The following NRXN3 variants were observed in gnomAD, a reference collection of about 807,000 sequenced individuals.
The protein encoded by NRXN3 is neurexin 3.
A neutral mutation model predicts 137.6 loss-of-function variants in NRXN3; 32 were observed. The ratio of observed to expected loss-of-function variants is 0.23; its 90% CI spans 0.18 to 0.31. NRXN3 has a LOEUF of 0.31. Among genes scored for constraint, NRXN3 ranks in the 10% least tolerant of loss-of-function variants. The pLI, the probability that NRXN3 is intolerant of heterozygous loss-of-function variation, is 1.00. For missense variants in NRXN3, 1,574 were observed against 2,062.5 expected (o/e 0.76, Z 4.59); for synonymous variants, 798 against 784.5 (o/e 1.02, Z -0.29).
intron 4 of NRXN3, among the ~76,000 whole-genome samples, chr14:78,580,728 T>C (rs1412116941): frequency 6.6e-6 from 1 of 152,212 alleles, no homozygotes; most frequent in Non-Finnish European, 1.5e-5. Flanking sequence ...CTTCATTGAA[T>C]CCCTCACTTG....
At position 79,003,904 on chromosome 14, in the gene NRXN3, G is replaced by A. The variant is rs539503437; in HGVS notation, c.3262+15763G>A. Among the ~76,000 whole-genome samples, 8 of 152,248 alleles carry A rather than the reference G, an allele frequency of 5.3e-5. No individual in the cohort carries two copies. The South Asian group carries it at 8.3e-4, about 16-fold the overall frequency. ...GAATCCTGTGGGCTCTGTGAAACCC[G>A]TGAAGCTGATAGTATTGAAGGAAAT... On this transcript the variant is annotated intron_variant, in intron 15 of 20. Transcript: ENST00000335750.
chr14:78,976,795 A>T (rs1201151858), intron 14 of NRXN3, among the ~76,000 whole-genome samples: 1 of 152,150 alleles, frequency 6.6e-6, no homozygotes, highest in Non-Finnish European at 1.5e-5. Flanking sequence ...ACCAAAATGC[A>T]TCTTGTTTCT....
Position 78,464,303 on chromosome 14 carries a change from G to C in NRXN3, c.757+166443G>C, listed in dbSNP as rs1282839842. ...ACTCTTGACCTCAGGTGATCCGCCT[G>C]TCTCGGCCTTCCAAAGTGCTGGGAT... is the stretch of plus-strand genomic sequence containing the variant. On this transcript the variant is annotated intron_variant, in intron 4 of 20. Coordinates refer to ENST00000335750, the MANE Select transcript of NRXN3 (RefSeq NM_001330195.2). 3.9e-5 allele frequency among the ~76,000 whole-genome samples: 6 copies of C among 152,294 alleles called. No homozygotes were observed. In the East Asian group the frequency reaches 1.2e-3, roughly 29 times the overall value.
At chr14:79,825,836 G>C (rs868268084) in intron 20 of NRXN3, among the ~76,000 whole-genome samples, 7 of 152,112 alleles carry the variant, frequency 4.6e-5, no homozygotes, top group African/African-American at 2.4e-5. Flanking sequence ...CAGTTAGTAA[G>C]TTTCATGGTT....
At chr14:79,502,700 G>A (rs1239869951) in intron 16 of NRXN3, among the ~76,000 whole-genome samples, 1 of 151,978 alleles carries the variant, frequency 6.6e-6, no homozygotes. Flanking sequence ...CCTAATTTTG[G>A]TTTCTAATGT....
intron 15 of NRXN3, among the ~76,000 whole-genome samples, chr14:79,019,994 T>C (rs2964901): frequency 0.01 from 1,558 of 152,044 alleles, 25 homozygotes; most frequent in African/African-American, 0.036. Context: ...ACTGACAGCA[T>C]GGTCTTGAAG....
intron 15 of NRXN3, among the ~76,000 whole-genome samples, chr14:79,264,952 T>G (rs994227786): frequency 2.0e-5 from 3 of 152,184 alleles, no homozygotes; most frequent in African/African-American, 7.2e-5. Context: ...TATACACGCA[T>G]GTATATATCT....
At chr14:78,329,276 A>T (rs989900964) in intron 4 of NRXN3, among the ~76,000 whole-genome samples, 3 of 152,158 alleles carry the variant, frequency 2.0e-5, no homozygotes, top group Non-Finnish European at 4.4e-5. Context: ...GAAAGTGTCA[A>T]TGGGTCCACA....
chr14:79,809,100 T>A (rs1381592801), intron 20 of NRXN3, among the ~76,000 whole-genome samples: 5 of 152,208 alleles, frequency 3.3e-5, no homozygotes, highest in Admixed American at 2.0e-4. Flanking sequence ...AAAGCTCAAT[T>A]AGGATTTGTC....
chr14:79,586,867 C>T (rs2153816962), intron 16 of NRXN3, among the ~76,000 whole-genome samples: 1 of 152,290 alleles, frequency 6.6e-6, no homozygotes, highest in East Asian at 1.9e-4. Context: ...ATTTTCTTTG[C>T]ATGATTAACT....
intron 15 of NRXN3, among the ~76,000 whole-genome samples, chr14:79,275,780 T>C (rs985221460): frequency 1.8e-4 from 27 of 152,046 alleles, no homozygotes; most frequent in African/African-American, 6.5e-4. Flanking sequence ...ATAATACCAG[T>C]TCTAAAGCCT....
At chr14:78,546,582 G>A (rs1294660134) in intron 4 of NRXN3, among the ~76,000 whole-genome samples, 3 of 151,998 alleles carry the variant, frequency 2.0e-5, no homozygotes, top group Non-Finnish European at 4.4e-5. Flanking sequence ...TAAAAAGTGT[G>A]TTTAGTTTTT....
intron 15 of NRXN3, among the ~76,000 whole-genome samples, chr14:79,244,887 A>G (rs1181334926): frequency 6.6e-6 from 1 of 152,192 alleles, no homozygotes; most frequent in Non-Finnish European, 1.5e-5. Flanking sequence ...AGGATTAACA[A>G]GAAGCCGATA....
intron 4 of NRXN3, among the ~76,000 whole-genome samples, chr14:78,411,859 G>A (rs1490159847): frequency 1.3e-5 from 2 of 152,200 alleles, no homozygotes; most frequent in African/African-American, 2.4e-5. Flanking sequence ...CACATTGGAT[G>A]AGAGGCTGAA....
chr14:78,530,298 A>G (rs914658681), intron 4 of NRXN3, among the ~76,000 whole-genome samples: 15 of 152,178 alleles, frequency 9.9e-5, no homozygotes, highest in African/African-American at 3.6e-4. Flanking sequence ...CACTCCCTGA[A>G]CAGCAGGATG....
At chr14:78,377,458 C>G (rs1054274651) in intron 4 of NRXN3, among the ~76,000 whole-genome samples, 1 of 152,184 alleles carries the variant, frequency 6.6e-6, no homozygotes, top group Non-Finnish European at 1.5e-5. Flanking sequence ...TGGTTGGAGG[C>G]TTCACAGTCT....
chr14:79,406,939 G>T (rs2095325487), intron 15 of NRXN3, among the ~76,000 whole-genome samples: 1 of 152,132 alleles, frequency 6.6e-6, no homozygotes. Flanking sequence ...ATAATGCCAT[G>T]ATATTTTCTT....
intron 19 of NRXN3, among the ~76,000 whole-genome samples, chr14:79,726,382 C>G (rs1044087112): frequency 6.6e-6 from 1 of 152,078 alleles, no homozygotes; most frequent in Non-Finnish European, 1.5e-5. Context: ...CTGCTTCTAC[C>G]TAACTGCATT....
intron 4 of NRXN3, among the ~76,000 whole-genome samples, chr14:78,419,938 C>A (rs567504741): frequency 8.9e-6 from 1 of 112,690 alleles, no homozygotes; most frequent in South Asian, 2.9e-4. Context: ...TCTGTGTGCA[C>A]GTGTGTGCGC....
Sources: gnomAD v4.1 joint callset for allele counts (sites outside exome capture counted in the v4.1 genomes callset) on GRCh38, gnomAD v4.1.1 for gene constraint, MANE v1.5 for transcripts, NCBI Gene and HGNC (gene_info 2026-07-23, HGNC 2026-07-21) for gene names.